The following DEAF1 variants were observed in gnomAD, a reference collection of about 807,000 sequenced individuals.
DEAF1 encodes the protein DEAF1 transcription factor.
In DEAF1, 53 loss-of-function variants were observed where a neutral mutation model predicts 58.9. The observed-to-expected ratio is 0.90, with a 90% CI of 0.72 to 1.13. The LOEUF is 1.13. DEAF1 is among the 50% of genes most tolerant of loss of function. The pLI is 0.00. For synonymous variants in DEAF1, 385 were observed against 340.4 expected (o/e 1.13, Z -1.44); for missense variants, 685 against 791.4 (o/e 0.87, Z 1.61).
At chr11:702,780 G>A (rs1252376116) in intron 1 of DEAF1, among the ~76,000 whole-genome samples, 1 of 152,252 alleles carries the variant, frequency 6.6e-6, no homozygotes, top group African/African-American at 2.4e-5. Context: ...TGGCTCTCCT[G>A]AGTTCTGGGT....
At chr11:653,861 C>T (rs968389782) in intron 11 of DEAF1, 101 bp downstream of exon 11, 8 of 1,013,532 alleles carry the variant, frequency 7.9e-6, no homozygotes, top group African/African-American at 1.6e-5. Flanking sequence ...GGAGGGGAGT[C>T]AGGTGTGGCA....
intron 10 of DEAF1, among the ~76,000 whole-genome samples, chr11:673,159 ATAAAG>A (rs986594172): frequency 1.2e-4 from 18 of 152,320 alleles, no homozygotes; most frequent in Non-Finnish European, 1.6e-4. Context: ...AAAAAATAAA[ATAAAG>A]TAAAATAAAG....
chr11:681,581 T>A (rs1287062246), intron 6 of DEAF1, among the ~76,000 whole-genome samples: 1 of 152,030 alleles, frequency 6.6e-6, no homozygotes, highest in Non-Finnish European at 1.5e-5. Flanking sequence ...TGGCTAGTGT[T>A]TTGTATTTTT....
At chr11:660,013 T>C (rs1446024179) in intron 10 of DEAF1, among the ~76,000 whole-genome samples, 3 of 152,150 alleles carry the variant, frequency 2.0e-5, no homozygotes, top group Non-Finnish European at 4.4e-5. Flanking sequence ...CTGTGCACCC[T>C]TGAGGTCTGC....
At chr11:649,780 C>CT (rs930082010) in intron 11 of DEAF1, among the ~76,000 whole-genome samples, 4 of 151,584 alleles carry the variant, frequency 2.6e-5, no homozygotes, top group African/African-American at 9.7e-5. Context: ...AATCTTAGAA[C>CT]TTTGGGAGGC....
Position 679,818 on chromosome 11 carries a change from T to G in DEAF1, c.998-2A>C. The G allele has an allele frequency of 6.2e-7, 1 of 1,613,230 alleles. No individual in the cohort carries two copies. The highest frequency in any genetic ancestry group is 1.1e-5 in the South Asian group (1 of 91,088). The stretch of plus-strand genomic sequence containing the variant: ...TCTGTCCCGAGGGGGTCACGGTGAC[T>G]GGAAAGGCAGAAGCACATTTCACGC... On this transcript the variant is annotated splice_acceptor_variant, in intron 7 of 11. Coordinates refer to ENST00000382409, the MANE Select transcript of DEAF1 (RefSeq NM_021008.4). LOFTEE classifies it high-confidence loss of function.
intron 5 of DEAF1, 133 bp from the exon 6 acceptor site, chr11:685,096 T>C (rs1860535006): frequency 3.7e-6 from 3 of 811,246 alleles, no homozygotes; most frequent in Non-Finnish European, 5.7e-6. Context: ...TTTTTTTTTT[T>C]TTTTTTGAGA....
chr11:704,121 C>T, intron 1 of DEAF1: 1 of 1,122,430 alleles, frequency 8.9e-7, no homozygotes. Flanking sequence ...ATGTGTATGC[C>T]TCCCTGAATT....
intron 9 of DEAF1, among the ~76,000 whole-genome samples, chr11:676,282 AT>A (rs1221339246): frequency 6.9e-5 from 1 of 14,420 alleles, no homozygotes; most frequent in Non-Finnish European, 1.2e-4. Context: ...GCAGCCTGAC[AT>A]CCCCCCAGCA....
chr11:671,128 CCAT>C (rs1859806755), intron 10 of DEAF1, among the ~76,000 whole-genome samples: 1 of 151,628 alleles, frequency 6.6e-6, no homozygotes, highest in Non-Finnish European at 1.5e-5. Context: ...TGGGGTTTCA[CCAT>C]GTTAGCCAGG....
chr11:700,674 A>T (rs749921092), intron 1 of DEAF1: 1 of 1,613,970 alleles, frequency 6.2e-7, no homozygotes, highest in South Asian at 1.1e-5. Flanking sequence ...GCTGTTTCTG[A>T]TGGGGATTCT....
Position 695,135 on chromosome 11 carries a change from G to C in DEAF1, c.-88C>G. ...GCCCGAAGCGGGGCCCGAAGAGGAC[G>C]CCCGAGCTGGGCCGAGGCCGCCCGA... On this transcript the variant is annotated 5_prime_UTR_variant, in exon 1 of 12. Coordinates refer to ENST00000382409, the MANE Select transcript of DEAF1 (RefSeq NM_021008.4). The C allele has an allele frequency of 8.0e-7, 1 of 1,243,988 alleles. No homozygotes were observed. Among genetic ancestry groups the C allele is most frequent in the South Asian group, 1.6e-5 (1 of 61,416 alleles). 77.1% of individuals were successfully genotyped at this position (1,243,988 alleles called of 1,614,324 possible). A position where few individuals can be genotyped will look rare whatever the true frequency, so the allele number is the denominator to read the frequency against.
intron 10 of DEAF1, among the ~76,000 whole-genome samples, chr11:656,426 G>A (rs1006382760): frequency 6.6e-6 from 1 of 152,244 alleles, no homozygotes; most frequent in African/African-American, 2.4e-5. Context: ...CCAAAATGCT[G>A]GGATTACAGG....
At chr11:658,477 C>T (rs1343041208) in intron 10 of DEAF1, among the ~76,000 whole-genome samples, 5 of 152,218 alleles carry the variant, frequency 3.3e-5, no homozygotes, top group Non-Finnish European at 5.9e-5. Context: ...GGTGTGTGTG[C>T]GTTGCAGAAG....
chr11:661,691 CA>C (rs1346396563), intron 10 of DEAF1, among the ~76,000 whole-genome samples: 1 of 152,126 alleles, frequency 6.6e-6, no homozygotes, highest in Non-Finnish European at 1.5e-5. Context: ...GCCTGGGCAA[CA>C]AGAGCGAAAC....
intron 1 of DEAF1, chr11:700,239 A>G (rs1861382793): frequency 3.7e-6 from 6 of 1,612,814 alleles, no homozygotes; most frequent in Non-Finnish European, 5.1e-6. Flanking sequence ...TATAAAAGTA[A>G]GTCAGGGACG....
intron 11 of DEAF1, among the ~76,000 whole-genome samples, chr11:650,892 C>T (rs1182823683): frequency 1.3e-5 from 2 of 152,122 alleles, no homozygotes; most frequent in Non-Finnish European, 2.9e-5. Context: ...CAGAGTGAGA[C>T]TCTGTCTCAA....
chr11:674,406 C>G (rs1167567626), intron 10 of DEAF1, 130 bp downstream of exon 10: 1 of 1,259,094 alleles, frequency 7.9e-7, no homozygotes, highest in African/African-American at 1.5e-5. Context: ...CTCTCCACAG[C>G]TCCCTTTTCC....
In DEAF1 at chr11:704,817, T is replaced by C. The variant is rs1473151142; in HGVS notation, c.-438+1755A>G. The C allele has an allele frequency of 9.4e-6, 4 of 423,716 alleles. No homozygotes were observed. In the East Asian group the frequency reaches 2.9e-4, roughly 31 times the overall value. 26.2% of individuals were successfully genotyped at this position (423,716 alleles called of 1,614,324 possible). ...AAAATCGTGTTGACAGGCACCCGTT[T>C]AGGAGTGGAGAGGGACCCCACCCCC... On this transcript the variant is annotated intron_variant, in intron 1 of 11. Transcript: ENST00000683307.
Sources: allele counts gnomAD v4.1 joint callset (sites outside exome capture counted in the v4.1 genomes callset), GRCh38; gene constraint gnomAD v4.1.1; transcripts MANE v1.5; gene names NCBI Gene and HGNC (gene_info 2026-07-23, HGNC 2026-07-21).